PNPLA5: variants seen among roughly 807,000 people sequenced by gnomAD.
The protein encoded by PNPLA5 is patatin like domain 5, triacylglycerol lipase, also known as patatin-like phospholipase domain-containing protein 5.
PNPLA5 carries 44 observed loss-of-function variants against 49.1 expected under a neutral mutation model. That is an observed-to-expected ratio of 0.90 (90% CI 0.70 to 1.15). The LOEUF (loss-of-function observed/expected upper bound fraction) is 1.15. Among genes scored for constraint, PNPLA5 ranks in the 50% most tolerant of loss-of-function variants. The pLI is 0.00. For missense variants in PNPLA5, 603 were observed against 564.0 expected (o/e 1.07, Z -0.70); for synonymous variants, 243 against 244.4 (o/e 0.99, Z 0.06).
At chr22:43,887,985 G>C (rs953515264) in intron 4 of PNPLA5, among the ~76,000 whole-genome samples, 1 of 152,210 alleles carries the variant, frequency 6.6e-6, no homozygotes, top group Non-Finnish European at 1.5e-5. Flanking sequence ...GGATAACAAG[G>C]CCTGGGATGG....
At chr22:43,883,684 A>C (rs1412091314) in intron 7 of PNPLA5, among the ~76,000 whole-genome samples, 1 of 151,992 alleles carries the variant, frequency 6.6e-6, no homozygotes, top group African/African-American at 2.4e-5. Context: ...GGCGGTGGGC[A>C]CCTGTGGTCC....
intron 3 of PNPLA5, 90 bp from the exon 4 acceptor site, chr22:43,889,628 A>G: frequency 6.5e-7 from 1 of 1,536,026 alleles, no homozygotes; most frequent in Non-Finnish European, 8.8e-7. Context: ...GCTGTCCCTG[A>G]GTCACCAGGG....
At chr22:43,890,097 C>T in intron 2 of PNPLA5, 2 of 985,194 alleles carry the variant, frequency 2.0e-6, no homozygotes, top group Non-Finnish European at 2.4e-6. Flanking sequence ...GGGAAGGAGG[C>T]CAGGTGCAGG....
At chr22:43,881,080 A>T in intron 8 of PNPLA5, 195 bp from the exon 9 acceptor site, 4 of 742,994 alleles carry the variant, frequency 5.4e-6, no homozygotes, top group Non-Finnish European at 6.6e-6. Flanking sequence ...CTCCCCAGAG[A>T]ACTGCACTGA....
At position 43,889,340 on chromosome 22, in the gene PNPLA5, G is replaced by C. The variant is rs140390340; in HGVS notation, c.691C>G (p.Pro231Ala). ...AGGGCCAGACCTACCTCGAGGCTGG[G>C]GGGTATGAGACATATGAGCCCCAGG... ...FFLGLICLIP[P>A]SLEVVADNCR... Residue 231 changes from proline to alanine, a missense_variant, in exon 4 of 9, where the codon CCC becomes GCC. Transcript: ENST00000216177. 2.2e-5 allele frequency: 35 copies of C among 1,613,844 alleles called. No homozygotes were observed. The highest frequency in any genetic ancestry group is 1.7e-4 in the Admixed American group (10 of 59,998).
intron 6 of PNPLA5, among the ~76,000 whole-genome samples, chr22:43,885,970 AG>A (rs1438602695): frequency 6.6e-6 from 1 of 152,216 alleles, no homozygotes; most frequent in Non-Finnish European, 1.5e-5. Flanking sequence ...TTTCCGGGGC[AG>A]TGGGCAAAGA....
rs2049700173 is a variant in PNPLA5 at position 43,889,466 on chromosome 22, AGGGCGACACCGTGATGGTGGAG to A, written c.543_564del (p.Thr183MetfsTer18). ...GGGCAGATGTCCACTGTCCCATGGA[AGGGCGACACCGTGATGGTGGAG>A]GGGCAGTCTGCAAAGGGCAAGTTGT... On this transcript the variant is annotated frameshift_variant, in exon 4 of 9. Transcript: ENST00000216177. LOFTEE classifies it high-confidence loss of function. 2 of 1,613,774 alleles carry A rather than the reference AGGGCGACACCGTGATGGTGGAG, an allele frequency of 1.2e-6. No homozygotes were observed. Among genetic ancestry groups the A allele is most frequent in the African/African-American group, 1.3e-5 (1 of 74,826 alleles).
chr22:43,889,281 C>T (rs1177256416), intron 4 of PNPLA5, 48 bp downstream of exon 4: 2 of 1,601,076 alleles, frequency 1.2e-6, no homozygotes, highest in Non-Finnish European at 1.7e-6. Flanking sequence ...ACTCACGGGG[C>T]CCTTGACCTT....
chr22:43,886,174 TTTAGTAGG>T, intron 6 of PNPLA5, 121 bp downstream of exon 6: 2 of 1,009,510 alleles, frequency 2.0e-6, no homozygotes, highest in South Asian at 3.9e-5. Flanking sequence ...ACACTTGGCA[TTTAGTAGG>T]TGCTCAGTAA....
intron 6 of PNPLA5, 122 bp downstream of exon 6, chr22:43,886,181 G>T: frequency 9.2e-7 from 1 of 1,087,362 alleles, no homozygotes; most frequent in Non-Finnish European, 1.3e-6. Context: ...GCATTTAGTA[G>T]GTGCTCAGTA....
At chr22:43,885,855 A>G (rs754015625) in intron 6 of PNPLA5, among the ~76,000 whole-genome samples, 1 of 152,176 alleles carries the variant, frequency 6.6e-6, no homozygotes, top group Non-Finnish European at 1.5e-5. Flanking sequence ...ACAATTCTGT[A>G]CTATCCTCAG....
chr22:43,887,820 C>T (rs2049681946), intron 4 of PNPLA5, 169 bp from the exon 5 acceptor site: 2 of 853,430 alleles, frequency 2.3e-6, no homozygotes, highest in African/African-American at 1.8e-5. Context: ...AGGACCTTAG[C>T]ACTGGGCAGG....
chr22:43,882,501 C>T (rs947113714), intron 7 of PNPLA5, among the ~76,000 whole-genome samples: 7 of 152,240 alleles, frequency 4.6e-5, no homozygotes, highest in Non-Finnish European at 1.0e-4. Flanking sequence ...GACGGCAAGA[C>T]ATAAGCTGGA....
chr22:43,892,004 G>T lies in PNPLA5; in HGVS notation c.-124C>A. 1.0e-6 allele frequency: 1 copy of T among 1,000,768 alleles called. No homozygotes were observed. Among genetic ancestry groups the T allele is most frequent in the Non-Finnish European group, 1.4e-6 (1 of 713,564 alleles). 62.0% of individuals were successfully genotyped at this position (1,000,768 alleles called of 1,614,324 possible). A position where few individuals can be genotyped will look rare whatever the true frequency, so the allele number is the denominator to read the frequency against. ...TGGGCTCTGGAGGGAGCCGGGCTGG[G>T]GCTGGTGCTGGTGCTCCCTGCGCCG... On this transcript the variant is annotated 5_prime_UTR_variant, in exon 1 of 9. Coordinates refer to ENST00000216177, the MANE Select transcript of PNPLA5 (RefSeq NM_138814.4).
At position 43,880,789 on chromosome 22, in the gene PNPLA5, G is replaced by A; in HGVS notation, c.*6C>T. The stretch of plus-strand genomic sequence containing the variant: ...CCAGTCACTGGGCTGGCCCTGCTCG[G>A]CCCCCTCAGGCCTGGTGGGTGGGCC... On this transcript the variant is annotated 3_prime_UTR_variant, in exon 9 of 9. Transcript: ENST00000216177. 7.5e-7 allele frequency: 1 copy of A among 1,327,004 alleles called. No homozygotes were observed. The highest frequency in any genetic ancestry group is 2.7e-5 in the South Asian group (1 of 36,726). The allele number at this position is 1,327,004 out of a possible 1,614,324, so 82.2% of individuals were successfully genotyped here. A position where few individuals can be genotyped will look rare whatever the true frequency, so the allele number is the denominator to read the frequency against.
chr22:43,884,862 G>C (rs1480936488), intron 6 of PNPLA5, among the ~76,000 whole-genome samples: 8 of 152,184 alleles, frequency 5.3e-5, no homozygotes, highest in Non-Finnish European at 1.2e-4. Context: ...CAGAGCCGGA[G>C]CCCAAATCCC....
At position 43,891,702 on chromosome 22, in the gene PNPLA5, C is replaced by A. The variant is rs2148331685; in HGVS notation, c.179G>T (p.Cys60Phe). The A allele has an allele frequency of 1.9e-6, 3 of 1,547,296 alleles. No homozygotes were observed. Among genetic ancestry groups the A allele is most frequent in the African/African-American group, 1.4e-5 (1 of 72,680 alleles). ...CCGGGACTCACCGACCGACTTGCCG[C>A]AGACGATGCTGACTGCGTTGAGCGC... ...SGALNAVSIV[C>F]GKSVDFCCSH... Residue 60 changes from cysteine to phenylalanine, a missense_variant, in exon 1 of 9, where the codon TGC (cysteine) becomes TTC (phenylalanine). Physicochemically the swap from Cys to Phe is radical, Grantham distance 205. Coordinates refer to ENST00000216177, the MANE Select transcript of PNPLA5 (RefSeq NM_138814.4).
At chr22:43,889,189 GT>G in intron 4 of PNPLA5, 139 bp downstream of exon 4, 1 of 924,506 alleles carries the variant, frequency 1.1e-6, no homozygotes, top group South Asian at 1.6e-5. Context: ...GGATTCAGGT[GT>G]TTGGCTGTGA....
At chr22:43,884,991 C>T (rs1047480803) in intron 6 of PNPLA5, among the ~76,000 whole-genome samples, 2 of 152,260 alleles carry the variant, frequency 1.3e-5, no homozygotes, top group African/African-American at 4.8e-5. Flanking sequence ...CCCTGCTCCA[C>T]ATCCACCTGC....
Sources: allele counts gnomAD v4.1 joint callset (sites outside exome capture counted in the v4.1 genomes callset), GRCh38; gene constraint gnomAD v4.1.1; transcripts MANE v1.5; gene names NCBI Gene and HGNC (gene_info 2026-07-23, HGNC 2026-07-21).